Variants in LRRC8B observed in about 807,000 individuals in gnomAD.
LRRC8B encodes leucine rich repeat containing 8 VRAC subunit B.
Under a neutral mutation model 58.8 loss-of-function variants are expected in LRRC8B, and 23 were observed. That is an observed-to-expected ratio of 0.39 (90% CI 0.28 to 0.55). LRRC8B has a LOEUF of 0.55. Among genes scored for constraint, LRRC8B ranks in the 20% least tolerant of loss-of-function variants. The pLI is 0.62. For missense variants in LRRC8B, 694 were observed against 936.0 expected, an observed-to-expected ratio of 0.74 and a Z score of 3.37; for synonymous variants, 359 against 374.1, an observed-to-expected ratio of 0.96 and a Z score of 0.47.
At chr1:89,557,394 T>C (rs1652274168) in intron 1 of LRRC8B, among the ~76,000 whole-genome samples, 1 of 152,228 alleles carries the variant, frequency 6.6e-6, no homozygotes, top group South Asian at 2.1e-4. Context: ...TAAATCACTT[T>C]GCTAGTAAAA....
chr1:89,581,273 CAAAAAAAAAA>C (rs5776023), intron 4 of LRRC8B, among the ~76,000 whole-genome samples: 2 of 72,558 alleles, frequency 2.8e-5, no homozygotes, highest in African/African-American at 5.8e-5. Context: ...GACTCCGTCT[CAAAAAAAAAA>C]AAAAAAAAAA....
intron 1 of LRRC8B, chr1:89,549,765 T>C (rs1196580339): frequency 6.6e-6 from 1 of 152,218 alleles, no homozygotes; most frequent in East Asian, 1.9e-4. Flanking sequence ...TGAGTTCTTT[T>C]ATATGGGAGA....
intron 1 of LRRC8B, among the ~76,000 whole-genome samples, chr1:89,534,453 C>T (rs1368667228): frequency 6.6e-6 from 1 of 152,010 alleles, no homozygotes; most frequent in Non-Finnish European, 1.5e-5. Flanking sequence ...TTCTGTAAAA[C>T]TTAATCCCAG....
rs573383019 is a variant in LRRC8B, at chr1:89,586,233, T to G, written c.2139+1444T>G. On this transcript the variant is annotated intron_variant, in intron 5 of 5. Transcript: ENST00000330947. The stretch of plus-strand genomic sequence containing the variant: ...CAGACGTAGGACCCAAGAGTTTGCA[T>G]TTCTAAGAAGTCCCCAGGTGGAGCT... 6.6e-5 allele frequency among the ~76,000 whole-genome samples: 10 copies of G among 152,304 alleles called. 1 individual carries two copies. The East Asian group carries it at 1.5e-3, about 23-fold the overall frequency.
intron 1 of LRRC8B, among the ~76,000 whole-genome samples, chr1:89,546,236 G>A (rs1222634519): frequency 6.6e-6 from 1 of 152,144 alleles, no homozygotes; most frequent in African/African-American, 2.4e-5. Context: ...TGGAGCCTTG[G>A]TGAGTGCTAG....
At chr1:89,570,715 T>G (rs974014318) in intron 3 of LRRC8B, among the ~76,000 whole-genome samples, 2 of 152,216 alleles carry the variant, frequency 1.3e-5, no homozygotes, top group Non-Finnish European at 2.9e-5. Flanking sequence ...CTCTTTAGTT[T>G]AATTAGATCC....
chr1:89,557,346 T>C (rs886179035), intron 1 of LRRC8B, among the ~76,000 whole-genome samples: 1 of 152,216 alleles, frequency 6.6e-6, no homozygotes, highest in African/African-American at 2.4e-5. Flanking sequence ...GTTGTTTTTT[T>C]CAAAGATACC....
rs7517334 is a variant in LRRC8B at position 89,589,861 on chromosome 1, T to C, written c.2140-2910T>C. 2.1e-4 allele frequency among the ~76,000 whole-genome samples: 32 copies of C among 151,588 alleles called. No individual in the cohort carries two copies. In the East Asian group the frequency reaches 3.9e-3, roughly 18 times the overall value. ...AAAGCCAGGGGTATTTAATTAACAATGTCAGCCATAGATGTAAAAGAAAAC... is the reference window on the plus strand; with the variant it reads ...AAAGCCAGGGGTATTTAATTAACAACGTCAGCCATAGATGTAAAAGAAAAC... On this transcript the variant is annotated intron_variant, in intron 5 of 5. Transcript: ENST00000330947.
At position 89,593,101 on chromosome 1, in the gene LRRC8B, G is replaced by A. The variant is rs1324711382; in HGVS notation, c.*58G>A. The A allele has an allele frequency of 3.6e-5, 56 of 1,554,038 alleles. No homozygotes were observed. The highest frequency in any genetic ancestry group is 5.9e-5 in the South Asian group (5 of 84,616). On this transcript the variant is annotated 3_prime_UTR_variant, in exon 6 of 6. Transcript: ENST00000330947. Reference sequence around the variant, plus strand: ...TTTTTAAAAGTATGCTCGGCCGGGCGTGGTGGCTCATGCCTATAATCCCAG... The same window carrying A: ...TTTTTAAAAGTATGCTCGGCCGGGCATGGTGGCTCATGCCTATAATCCCAG...
intron 1 of LRRC8B, among the ~76,000 whole-genome samples, chr1:89,561,180 G>C (rs1379026642): frequency 1.3e-5 from 2 of 151,854 alleles, no homozygotes; most frequent in African/African-American, 4.8e-5. Context: ...CTGCATAAAG[G>C]TCTTCTTTTG....
At chr1:89,538,658 A>G (rs916171648) in intron 1 of LRRC8B, among the ~76,000 whole-genome samples, 1 of 152,192 alleles carries the variant, frequency 6.6e-6, no homozygotes, top group East Asian at 1.9e-4. Context: ...CAGCATGAGT[A>G]TGTCATTTCC....
chr1:89,538,168 A>G (rs1402482859), intron 1 of LRRC8B, among the ~76,000 whole-genome samples: 2 of 152,212 alleles, frequency 1.3e-5, no homozygotes, highest in Non-Finnish European at 2.9e-5. Flanking sequence ...CTGTAATCCC[A>G]GCTACTCAGG....
chr1:89,543,010 C>A (rs1651132635), intron 1 of LRRC8B, among the ~76,000 whole-genome samples: 1 of 152,080 alleles, frequency 6.6e-6, no homozygotes, highest in East Asian at 1.9e-4. Flanking sequence ...AAAGTAGGGT[C>A]AAATTACTTA....
chr1:89,584,069 A>G lies in LRRC8B; in HGVS notation c.1419A>G (p.Ser473=), dbSNP rs143840149. Residue 473 remains serine, a synonymous_variant, in exon 5 of 6, where the codon TCA becomes TCG. Transcript: ENST00000330947. ...VNLKELRVYH[S]SLVVDHPALA... ...TCAAGGAGCTTCGTGTGTACCATTC[A>G]TCTCTGGTCGTAGACCATCCTGCAC... The G allele has an allele frequency of 3.6e-4, 586 of 1,614,108 alleles. No individual in the cohort carries two copies. The highest frequency in any genetic ancestry group is 4.7e-4 in the Non-Finnish European group (552 of 1,180,026).
rs1415063393 is a variant in LRRC8B, at chr1:89,594,837, A to G, written c.*1794A>G. The G allele has an allele frequency of 6.6e-6, 1 of 152,176 alleles. No individual in the cohort carries two copies. The highest frequency in any genetic ancestry group is 1.5e-5 in the Non-Finnish European group (1 of 68,010). 9.4% of individuals were successfully genotyped at this position (152,176 alleles called of 1,614,324 possible). A position where few individuals can be genotyped will look rare whatever the true frequency, so the allele number is the denominator to read the frequency against. ...CCACCTCTTCATTTTGGATATAACT[A>G]TGAAGAAATCTATTAACTGCACCTA... On this transcript the variant is annotated 3_prime_UTR_variant, in exon 6 of 6. Transcript: ENST00000330947.
At chr1:89,537,700 T>G (rs982476562) in intron 1 of LRRC8B, among the ~76,000 whole-genome samples, 3 of 152,186 alleles carry the variant, frequency 2.0e-5, no homozygotes, top group Non-Finnish European at 4.4e-5. Context: ...CTCGAACTCC[T>G]GACCTTAAGT....
At chr1:89,582,340 T>C (rs1398607038) in intron 4 of LRRC8B, among the ~76,000 whole-genome samples, 2 of 152,178 alleles carry the variant, frequency 1.3e-5, no homozygotes, top group Non-Finnish European at 2.9e-5. Context: ...GGAGTTGAGA[T>C]ACAAGAGGTA....
At chr1:89,582,547 A>C in intron 4 of LRRC8B, 78 bp from the exon 5 acceptor site, 1 of 803,352 alleles carries the variant, frequency 1.2e-6, no homozygotes, top group South Asian at 1.7e-5. Context: ...GAAGGAGGGC[A>C]TGTGTGTATG....
intron 1 of LRRC8B, among the ~76,000 whole-genome samples, chr1:89,557,733 GTTTCCTAATTTTTATTTATATGTT>G (rs1273945004): frequency 6.6e-6 from 1 of 152,130 alleles, no homozygotes; most frequent in South Asian, 2.1e-4. Context: ...ATACATAAAA[GTTTCCTAATTTTTATTTATATGTT>G]TTTCCTAATT....
Sources: gnomAD v4.1 joint callset for allele counts (sites outside exome capture counted in the v4.1 genomes callset) on GRCh38, gnomAD v4.1.1 for gene constraint, MANE v1.5 for transcripts, NCBI Gene and HGNC (gene_info 2026-07-23, HGNC 2026-07-21) for gene names.